Variants in SGCD observed in about 807,000 individuals in gnomAD.
SGCD encodes the protein sarcoglycan delta.
A neutral mutation model predicts 36.6 loss-of-function variants in SGCD; 18 were observed. The observed-to-expected ratio is 0.49, with a 90% CI of 0.34 to 0.73. The LOEUF (loss-of-function observed/expected upper bound fraction) is 0.73, where lower values mean the gene tolerates loss of function less well. Among genes scored for constraint, SGCD ranks in the 30% least tolerant of loss-of-function variants. The probability of loss-of-function intolerance (pLI) is 0.01; values close to 1 mark genes in which losing one functional copy is unlikely to be tolerated. For missense variants in SGCD, 387 were observed against 346.7 expected (o/e 1.12, Z -0.92); for synonymous variants, 133 against 130.6 (o/e 1.02, Z -0.12).
At chr5:156,121,758 T>C (rs1762046303) in intron 2 of SGCD, among the ~76,000 whole-genome samples, 1 of 152,142 alleles carries the variant, frequency 6.6e-6, no homozygotes, top group Admixed American at 6.6e-5. Context: ...CTTCCCTTTT[T>C]TGTTGTCTAA....
chr5:156,598,775 C>G (rs529962475), intron 6 of SGCD, among the ~76,000 whole-genome samples: 6 of 152,326 alleles, frequency 3.9e-5, no homozygotes, highest in African/African-American at 1.4e-4. Flanking sequence ...ACATCCAAAA[C>G]TCTGTGATGG....
intron 3 of SGCD, among the ~76,000 whole-genome samples, chr5:156,208,617 ACT>A (rs1764353503): frequency 1.3e-5 from 2 of 152,350 alleles, no homozygotes; most frequent in African/African-American, 4.8e-5. Flanking sequence ...GACTTTCTGT[ACT>A]TAATAATCAC....
intron 4 of SGCD, among the ~76,000 whole-genome samples, chr5:156,550,302 G>T (rs1441782157): frequency 6.6e-6 from 1 of 152,236 alleles, no homozygotes; most frequent in East Asian, 1.9e-4. Flanking sequence ...CATTGGTTGT[G>T]CAGAAGTGGA....
the SGCD span, among the ~76,000 whole-genome samples, chr5:155,836,355 G>C: frequency 6.6e-6 from 1 of 152,120 alleles, no homozygotes; most frequent in African/African-American, 2.4e-5. Context: ...GTCTATCGAA[G>C]AGCATTTCAG....
chr5:156,586,539 T>A (rs1042259602), intron 4 of SGCD, among the ~76,000 whole-genome samples: 2 of 152,232 alleles, frequency 1.3e-5, no homozygotes, highest in South Asian at 4.1e-4. Context: ...TTTTTTGGAA[T>A]TCCTCTGTCT....
At chr5:155,878,836 G>T (rs549820869) in intron 1 of SGCD, among the ~76,000 whole-genome samples, 1 of 152,136 alleles carries the variant, frequency 6.6e-6, no homozygotes, top group African/African-American at 2.4e-5. Flanking sequence ...TCACATTTGG[G>T]GAGGCAAGAA....
chr5:156,294,697 T>G lies in SGCD; in HGVS notation c.-43-34837T>G, dbSNP rs77706599. On this transcript the variant is annotated intron_variant, in intron 3 of 9. Coordinates refer to the SGCD transcript ENST00000517913. Reference sequence around the variant, plus strand: ...TGAATGTTTCTGTCATGAAAAGGTGTTGAATTTTGTCAAATGCTTTTTATG... The same window carrying G: ...TGAATGTTTCTGTCATGAAAAGGTGGTGAATTTTGTCAAATGCTTTTTATG... Among the ~76,000 whole-genome samples the G allele has an allele frequency of 8.0e-3, 1,213 of 152,318 alleles. 8 individuals are homozygous for G. Among genetic ancestry groups the G allele is most frequent in the African/African-American group, 0.023 (963 of 41,578 alleles).
At chr5:156,189,654 A>G (rs530740108) in intron 3 of SGCD, among the ~76,000 whole-genome samples, 1 of 151,940 alleles carries the variant, frequency 6.6e-6, no homozygotes, top group Non-Finnish European at 1.5e-5. Context: ...GGCTAAGGGC[A>G]TGAAAGGACA....
At chr5:155,906,113 T>A (rs1223317285) in intron 1 of SGCD, among the ~76,000 whole-genome samples, 1 of 152,198 alleles carries the variant, frequency 6.6e-6, no homozygotes, top group Non-Finnish European at 1.5e-5. Context: ...ATATCTGATA[T>A]AATGATCTGT....
intron 3 of SGCD, chr5:156,393,978 A>G: frequency 2.8e-6 from 1 of 363,410 alleles, no homozygotes; most frequent in South Asian, 2.0e-5. Context: ...AAGCAGTAAA[A>G]GACAAAGATG....
At chr5:155,936,645 C>T (rs996001031) in intron 1 of SGCD, among the ~76,000 whole-genome samples, 2 of 152,218 alleles carry the variant, frequency 1.3e-5, no homozygotes, top group African/African-American at 4.8e-5. Flanking sequence ...AGAAAAAGCA[C>T]CACAAGTTCC....
chr5:156,203,023 CT>C (rs1280612770), intron 3 of SGCD, among the ~76,000 whole-genome samples: 5 of 152,030 alleles, frequency 3.3e-5, no homozygotes, highest in African/African-American at 7.2e-5. Context: ...CCTTGAGACT[CT>C]GTCAGATTTG....
chr5:155,763,076 C>A, the SGCD span, among the ~76,000 whole-genome samples: 1 of 152,144 alleles, frequency 6.6e-6, no homozygotes, highest in African/African-American at 2.4e-5. Flanking sequence ...CAGAGTAGTA[C>A]AGTTGTTTCT....
At chr5:155,996,227 G>C (rs1322585063) in intron 1 of SGCD, among the ~76,000 whole-genome samples, 1 of 152,008 alleles carries the variant, frequency 6.6e-6, no homozygotes, top group East Asian at 1.9e-4. Flanking sequence ...TTGTCACCCA[G>C]GTACTAAGCA....
intron 3 of SGCD, among the ~76,000 whole-genome samples, chr5:156,368,829 C>T (rs1770241977): frequency 6.6e-6 from 1 of 152,212 alleles, no homozygotes; most frequent in Non-Finnish European, 1.5e-5. Context: ...TGCAGGAAAA[C>T]AAGCTCAGGG....
rs1561699543 is a variant in SGCD, at chr5:156,056,644, T to TAAAAAAAAAAAAAAAAAAAAAA, written c.-281-61234_-281-61233insAAAAAAAAAAAAAAAAAAAAAA. On this transcript the variant is annotated intron_variant, in intron 1 of 9. Coordinates refer to the SGCD transcript ENST00000517913. ...TGGTCCCCTACCTGCCAAATTATCC[T>TAAAAAAAAAAAAAAAAAAAAAA]TAAAAAAAAAAAAAAAAAAAACAGT... Among the ~76,000 whole-genome samples the TAAAAAAAAAAAAAAAAAAAAAA allele has an allele frequency of 4.6e-5, 3 of 64,766 alleles. No homozygotes were observed. In the East Asian group the frequency reaches 3.4e-3, roughly 73 times the overall value. The allele number at this position is 64,766 out of a possible 152,430, so 42.5% of individuals were successfully genotyped here.
rs1765048414 is a variant in SGCD at position 156,232,646 on chromosome 5, G to T, written c.-43-96888G>T. ...ATTCTACTTATTCTAGACCTGGAAG[G>T]ATTTGACAGACCGTGAAATCTTACA... On this transcript the variant is annotated intron_variant, in intron 3 of 9. Transcript: ENST00000517913. Among the ~76,000 whole-genome samples, 6 of 152,276 alleles carry T rather than the reference G, an allele frequency of 3.9e-5. No individual in the cohort carries two copies. In the South Asian group the frequency reaches 1.2e-3, roughly 32 times the overall value.
Position 156,229,277 on chromosome 5 carries a change from C to CATATAT in SGCD, c.-43-100239_-43-100234dup, listed in dbSNP as rs570200528. On this transcript the variant is annotated intron_variant, in intron 3 of 9. Transcript: ENST00000517913. ...ACATACATACATATATATATACATA[C>CATATAT]ATATATATATATATATATATATAAA... Among the ~76,000 whole-genome samples the CATATAT allele has an allele frequency of 2.4e-3, 134 of 56,468 alleles. 17 individuals carry two copies. In the Middle Eastern group the frequency reaches 0.029, roughly 12 times the overall value. The allele number at this position is 56,468 out of a possible 152,430, so 37.0% of individuals were successfully genotyped here.
At chr5:156,015,728 A>G (rs1184726180) in intron 1 of SGCD, among the ~76,000 whole-genome samples, 21 of 151,546 alleles carry the variant, frequency 1.4e-4, no homozygotes, top group African/African-American at 2.4e-5. Context: ...TATAATATGT[A>G]TATATGATGT....
Sources: gnomAD v4.1 joint callset for allele counts (sites outside exome capture counted in the v4.1 genomes callset) on GRCh38, gnomAD v4.1.1 for gene constraint, MANE v1.5 for transcripts, NCBI Gene and HGNC (gene_info 2026-07-23, HGNC 2026-07-21) for gene names.